Variants in SEC24D observed in about 807,000 individuals in gnomAD.
The protein encoded by SEC24D is SEC24 homolog D, COPII component, also known as protein transport protein Sec24D.
A neutral mutation model predicts 116.9 loss-of-function variants in SEC24D; 69 were observed. The observed-to-expected ratio is 0.59, with a 90% CI of 0.49 to 0.72. The LOEUF is 0.72. SEC24D is among the 30% of genes least tolerant of loss of function. The pLI is 0.00. For synonymous variants in SEC24D, 405 were observed against 442.8 expected (o/e 0.91, Z 1.07); for missense variants, 1,131 against 1,264.1 (o/e 0.89, Z 1.60).
intron 11 of SEC24D, among the ~76,000 whole-genome samples, chr4:118,753,696 T>C (rs964873595): frequency 1.3e-5 from 2 of 152,112 alleles, no homozygotes; most frequent in Non-Finnish European, 2.9e-5. Context: ...CTTAGTTTCA[T>C]GTTTGTTGAG....
intron 18 of SEC24D, 104 bp from the exon 19 acceptor site, chr4:118,738,483 C>A: frequency 1.3e-6 from 1 of 795,152 alleles, no homozygotes; most frequent in South Asian, 1.4e-5. Flanking sequence ...TCAGACCACC[C>A]AGCAAGAATA....
At chr4:118,796,128 A>T (rs747223371) in intron 8 of SEC24D, among the ~76,000 whole-genome samples, 7 of 152,224 alleles carry the variant, frequency 4.6e-5, no homozygotes, top group Non-Finnish European at 8.8e-5. Context: ...TAATGGTAAT[A>T]TCCAGGTGGC....
At chr4:118,771,374 G>A (rs1028229313) in intron 8 of SEC24D, among the ~76,000 whole-genome samples, 2 of 152,142 alleles carry the variant, frequency 1.3e-5, no homozygotes, top group African/African-American at 2.4e-5. Context: ...TAGAAAGACT[G>A]GCTATAAAAA....
intron 8 of SEC24D, among the ~76,000 whole-genome samples, chr4:118,782,564 A>T (rs908724770): frequency 6.6e-6 from 1 of 152,248 alleles, no homozygotes; most frequent in African/African-American, 2.4e-5. Context: ...TCAGGGACCC[A>T]CATGAGGAGG....
intron 17 of SEC24D, 79 bp from the exon 18 acceptor site, chr4:118,739,366 C>T: frequency 1.5e-6 from 2 of 1,363,056 alleles, no homozygotes; most frequent in Admixed American, 2.0e-5. Context: ...CTTGCATTTA[C>T]AAAACACTGT....
At chr4:118,744,243 T>C (rs977742993) in intron 14 of SEC24D, 85 bp from the exon 15 acceptor site, 11 of 1,276,244 alleles carry the variant, frequency 8.6e-6, no homozygotes, top group Middle Eastern at 5.5e-4. Flanking sequence ...TGAATTCTTA[T>C]TGAATTTTCA....
chr4:118,723,460 C>A lies in SEC24D; in HGVS notation c.*55G>T. The stretch of plus-strand genomic sequence containing the variant: ...CTATTATCATCTAGAAAATTAGGCA[C>A]CAAGAAGGAGATTATCTCCTTGGAA... On this transcript the variant is annotated 3_prime_UTR_variant, in exon 23 of 23. Coordinates refer to ENST00000280551, the MANE Select transcript of SEC24D (RefSeq NM_014822.4). 6.5e-7 allele frequency: 1 copy of A among 1,544,656 alleles called. No homozygotes were observed. The highest frequency in any genetic ancestry group is 8.8e-7 in the Non-Finnish European group (1 of 1,139,594).
At chr4:118,762,472 C>T (rs1012085170) in intron 10 of SEC24D, among the ~76,000 whole-genome samples, 2 of 152,082 alleles carry the variant, frequency 1.3e-5, no homozygotes, top group African/African-American at 4.8e-5. Context: ...AAGAATTTAG[C>T]CTACAGCTTG....
At chr4:118,791,809 G>C (rs1311016691) in intron 8 of SEC24D, among the ~76,000 whole-genome samples, 1 of 152,206 alleles carries the variant, frequency 6.6e-6, no homozygotes, top group Admixed American at 6.5e-5. Flanking sequence ...TGCAGACGGA[G>C]TCTCGCTCAC....
At chr4:118,831,758 T>C (rs1446488734) in intron 2 of SEC24D, among the ~76,000 whole-genome samples, 1 of 151,848 alleles carries the variant, frequency 6.6e-6, no homozygotes, top group Non-Finnish European at 1.5e-5. Flanking sequence ...GCTGGAGAAA[T>C]AGATCTGAGA....
chr4:118,759,574 A>G (rs941492821), intron 10 of SEC24D, among the ~76,000 whole-genome samples: 5 of 152,178 alleles, frequency 3.3e-5, no homozygotes, highest in Non-Finnish European at 5.9e-5. Flanking sequence ...TGCAAAGTAC[A>G]GTGACTTGAA....
intron 8 of SEC24D, among the ~76,000 whole-genome samples, chr4:118,791,682 G>A (rs1045711239): frequency 2.0e-5 from 3 of 152,058 alleles, no homozygotes; most frequent in Non-Finnish European, 4.4e-5. Flanking sequence ...GCGCCGCCAC[G>A]CCTGACTGGT....
rs765025107 is a variant in SEC24D at position 118,723,698 on chromosome 4, A to C, written c.2959-43T>G. ...AAACAGTAACAGCCCCTGGTTATAA[A>C]CATTATTTGAAAATGGGTCAATTTT... On this transcript the variant is annotated intron_variant, in intron 22 of 22. Coordinates refer to ENST00000280551, the MANE Select transcript of SEC24D (RefSeq NM_014822.4). 20 of 1,579,078 alleles carry C rather than the reference A, an allele frequency of 1.3e-5. No individual in the cohort carries two copies. In the East Asian group the frequency reaches 1.3e-4, roughly 11 times the overall value.
Position 118,817,346 on chromosome 4 carries a change from T to C in SEC24D, c.315A>G (p.Gln105=). The change falls in exon 4 of 23, where the codon CAA becomes CAG. Residue 105 remains glutamine (Q), a synonymous_variant. Coordinates refer to ENST00000280551, the MANE Select transcript of SEC24D (RefSeq NM_014822.4). ...TGGATATAGGACCTGGATAAGAAGA[T>C]TGTGCAGAGGGTTGGTATGGTGCAT... The part of the protein sequence containing the change: ...SSHAPYQPSA[Q]SSYPGPISTS... The C allele has an allele frequency of 1.2e-6, 2 of 1,613,810 alleles. No homozygotes were observed. Among genetic ancestry groups the C allele is most frequent in the South Asian group, 1.1e-5 (1 of 91,054 alleles).
chr4:118,731,696 G>A (rs1725692641), intron 20 of SEC24D, among the ~76,000 whole-genome samples, 189 bp from the exon 21 acceptor site: 1 of 152,156 alleles, frequency 6.6e-6, no homozygotes, highest in Non-Finnish European at 1.5e-5. Context: ...TGTGCAGGGA[G>A]GAAGAGACAA....
intron 13 of SEC24D, among the ~76,000 whole-genome samples, chr4:118,745,586 T>C (rs777564302): frequency 1.3e-5 from 2 of 152,168 alleles, no homozygotes; most frequent in African/African-American, 2.4e-5. Flanking sequence ...CTATGAGGCA[T>C]GAGGCCAAAA....
intron 6 of SEC24D, among the ~76,000 whole-genome samples, chr4:118,814,786 C>CA (rs138196000): frequency 3.4e-4 from 50 of 148,154 alleles, no homozygotes; most frequent in African/African-American, 1.2e-3. Context: ...TATATGACAC[C>CA]AAAAAAAAAG....
At chr4:118,742,449 T>G (rs1560621753) in intron 15 of SEC24D, among the ~76,000 whole-genome samples, 1 of 152,184 alleles carries the variant, frequency 6.6e-6, no homozygotes, top group Non-Finnish European at 1.5e-5. Context: ...ATGGTAGGCT[T>G]CATGTACCTC....
intron 6 of SEC24D, among the ~76,000 whole-genome samples, chr4:118,809,422 G>T (rs1729810002): frequency 6.6e-6 from 1 of 152,178 alleles, no homozygotes. Context: ...CAGGACTGGG[G>T]TATAGCAGAA....
Sources: gnomAD v4.1 joint callset for allele counts (sites outside exome capture counted in the v4.1 genomes callset) on GRCh38, gnomAD v4.1.1 for gene constraint, MANE v1.5 for transcripts, NCBI Gene and HGNC (gene_info 2026-07-23, HGNC 2026-07-21) for gene names.